RPS6KA2: variants seen among roughly 807,000 people sequenced by gnomAD.
The protein encoded by RPS6KA2 is ribosomal protein S6 kinase A2.
RPS6KA2 carries 42 observed loss-of-function variants against 91.8 expected under a neutral mutation model. The ratio of observed to expected loss-of-function variants is 0.46; its 90% confidence interval spans 0.36 to 0.59. The LOEUF is 0.59. RPS6KA2 is among the 20% of genes least tolerant of loss of function. RPS6KA2 has a pLI of 0.00. For missense variants in RPS6KA2, 798 were observed against 978.5 expected (o/e 0.82, Z 2.46); for synonymous variants, 414 against 393.6 (o/e 1.05, Z -0.61).
chr6:166,823,141 A>C (rs1445799897), intron 2 of RPS6KA2, among the ~76,000 whole-genome samples: 1 of 152,188 alleles, frequency 6.6e-6, no homozygotes, highest in Non-Finnish European at 1.5e-5. Context: ...GAGACAGGGG[A>C]CCATGTTCAA....
intron 2 of RPS6KA2, among the ~76,000 whole-genome samples, chr6:166,678,470 T>C (rs889900705): frequency 2.0e-5 from 3 of 152,218 alleles, no homozygotes. Context: ...GTATTTTACT[T>C]CCATGCAAAA....
At chr6:166,773,069 G>A (rs904845863) in intron 2 of RPS6KA2, among the ~76,000 whole-genome samples, 11 of 152,140 alleles carry the variant, frequency 7.2e-5, no homozygotes, top group Admixed American at 6.5e-5. Flanking sequence ...CGGGCTCCAC[G>A]TCTGGGTCAA....
At chr6:166,694,264 C>T (rs544060069) in intron 2 of RPS6KA2, among the ~76,000 whole-genome samples, 38 of 152,344 alleles carry the variant, frequency 2.5e-4, no homozygotes, top group African/African-American at 9.1e-4. Context: ...CCTGTTGAAG[C>T]ACTCACCTGG....
rs1453723621 is a variant in RPS6KA2 at position 166,433,053 on chromosome 6, G to A, written c.1333-563C>T. ...AGACATGAATTTTAAGGTGTTATAA[G>A]GTTGGGTGGAGACACGTGTAGGGAG... On this transcript the variant is annotated intron_variant, in intron 14 of 20. Coordinates refer to ENST00000265678, the MANE Select transcript of RPS6KA2 (RefSeq NM_021135.6). This position sits in a 1 kb window ranked among gnomAD's most constrained non-coding sequence, Gnocchi z 4.4. Among the ~76,000 whole-genome samples the A allele has an allele frequency of 1.3e-5, 2 of 151,086 alleles. No individual in the cohort carries two copies. The highest frequency in any genetic ancestry group is 2.9e-5 in the Non-Finnish European group (2 of 67,934).
rs966095165 is a variant in RPS6KA2 at position 166,737,117 on chromosome 6, C to T, written c.123+121083G>A. Among the ~76,000 whole-genome samples, 27 of 152,088 alleles carry T rather than the reference C, an allele frequency of 1.8e-4. No individual in the cohort carries two copies. Among genetic ancestry groups the T allele is most frequent in the African/African-American group, 5.3e-4 (22 of 41,470 alleles). On this transcript the variant is annotated intron_variant, in intron 2 of 21. Transcript: ENST00000503859. This position sits in a 1 kb window ranked among gnomAD's most constrained non-coding sequence, Gnocchi z 4.3. ...CACATTCTTTGTCAACTGTCACAAA[C>T]GAGGTCCTTGATTTTCAATTTCCTG...
chr6:166,770,857 T>C lies in RPS6KA2; in HGVS notation c.123+87343A>G. 1 of 1,593,998 alleles carries C rather than the reference T, an allele frequency of 6.3e-7. No homozygotes were observed. The highest frequency in any genetic ancestry group is 1.3e-5 in the African/African-American group (1 of 74,724). On this transcript the variant is annotated intron_variant, in intron 2 of 21. Coordinates refer to the RPS6KA2 transcript ENST00000503859. This position sits in a 1 kb window ranked among gnomAD's most constrained non-coding sequence, Gnocchi z 5.1. Reference sequence around the variant, plus strand: ...AAAAAAACAAACCCACAGGAACGCTTCTTACCTCTACGGATCCAGCTACCT... The same window carrying C: ...AAAAAAACAAACCCACAGGAACGCTCCTTACCTCTACGGATCCAGCTACCT...
chr6:166,829,625 T>A (rs1398919685), intron 2 of RPS6KA2, among the ~76,000 whole-genome samples: 25 of 147,876 alleles, frequency 1.7e-4, no homozygotes, highest in African/African-American at 5.8e-4. Context: ...AAAATTATTA[T>A]ATGGTCCATC....
At chr6:166,551,268 ATGAGATAAT>A (rs1458773953) in intron 1 of RPS6KA2, among the ~76,000 whole-genome samples, 3 of 152,212 alleles carry the variant, frequency 2.0e-5, no homozygotes, top group African/African-American at 7.2e-5. Flanking sequence ...CAATGCATAA[ATGAGATAAT>A]TGGGGCAATG....
In RPS6KA2 at chr6:166,478,242, G is replaced by A. The variant is rs73790235; in HGVS notation, c.908-8337C>T. On this transcript the variant is annotated intron_variant, in intron 10 of 20. Coordinates refer to ENST00000265678, the MANE Select transcript of RPS6KA2 (RefSeq NM_021135.6). ...GCACGTCCCTTGCACATATGCTCAC[G>A]TGCTTATGTTATAATAAGTGTCCAG... Among the ~76,000 whole-genome samples, 1,211 of 152,306 alleles carry A rather than the reference G, an allele frequency of 8.0e-3. 14 individuals carry two copies. The highest frequency in any genetic ancestry group is 0.026 in the African/African-American group (1,071 of 41,566).
chr6:166,738,712 C>T (rs1002829812), intron 2 of RPS6KA2, among the ~76,000 whole-genome samples: 3 of 152,252 alleles, frequency 2.0e-5, no homozygotes, highest in East Asian at 1.9e-4. Flanking sequence ...GATACCATGA[C>T]GTCTGCCAGG....
chr6:166,836,784 T>C (rs920589147), intron 2 of RPS6KA2, among the ~76,000 whole-genome samples: 7 of 152,216 alleles, frequency 4.6e-5, no homozygotes, highest in Non-Finnish European at 7.4e-5. Flanking sequence ...GAATTGTTAA[T>C]CAAATACTGG....
chr6:166,790,216 G>A (rs1252688322), intron 2 of RPS6KA2, among the ~76,000 whole-genome samples: 7 of 152,214 alleles, frequency 4.6e-5, no homozygotes, highest in African/African-American at 1.7e-4. Context: ...CGTGAAGAAT[G>A]CAGAAGCCTC....
intron 1 of RPS6KA2, among the ~76,000 whole-genome samples, chr6:166,579,268 A>G (rs1784934542): frequency 6.6e-6 from 1 of 152,172 alleles, no homozygotes; most frequent in South Asian, 2.1e-4. Flanking sequence ...GTTATTATAA[A>G]ATTTGAAGTT....
At position 166,840,962 on chromosome 6, in the gene RPS6KA2, T is replaced by TAAAGAAA. The variant is rs1780459192; in HGVS notation, c.123+17231_123+17237dup. Reference sequence around the variant, plus strand: ...TGGGCAACAAGAGCGAAACTTTGTCTAAAGAAAAAAAAAGAAAAAAGAAAA... The same window carrying TAAAGAAA: ...TGGGCAACAAGAGCGAAACTTTGTCTAAAGAAAAAAGAAAAAAAAAGAAAAAAGAAAA... On this transcript the variant is annotated intron_variant, in intron 2 of 21. Transcript: ENST00000503859. 4.7e-5 allele frequency among the ~76,000 whole-genome samples: 7 copies of TAAAGAAA among 149,340 alleles called. No individual in the cohort carries two copies. In the South Asian group the frequency reaches 1.5e-3, roughly 32 times the overall value.
intron 2 of RPS6KA2, among the ~76,000 whole-genome samples, chr6:166,685,421 C>T (rs1788983534): frequency 6.6e-6 from 1 of 152,218 alleles, no homozygotes; most frequent in Admixed American, 6.5e-5. Flanking sequence ...TTGGCCATTT[C>T]TATCACTGTC....
intron 3 of RPS6KA2, among the ~76,000 whole-genome samples, chr6:166,526,630 G>A (rs6923273): frequency 0.15 from 23,127 of 152,144 alleles, 1,915 homozygotes; most frequent in South Asian, 0.26. Flanking sequence ...GATTACAGGT[G>A]TGACTACCAC....
chr6:166,638,708 G>C (rs954162462), intron 2 of RPS6KA2, among the ~76,000 whole-genome samples: 1 of 152,146 alleles, frequency 6.6e-6, no homozygotes, highest in Admixed American at 6.5e-5. Flanking sequence ...GGTAGAGGAT[G>C]GGTCCCAGGG....
chr6:166,833,455 A>G (rs540641186), intron 2 of RPS6KA2, among the ~76,000 whole-genome samples: 49 of 152,246 alleles, frequency 3.2e-4, no homozygotes, highest in Admixed American at 1.8e-3. Context: ...GTAGAGATCA[A>G]TGAATTTTTA....
intron 1 of RPS6KA2, among the ~76,000 whole-genome samples, chr6:166,578,445 C>T (rs1228171974): frequency 6.6e-6 from 1 of 152,190 alleles, no homozygotes; most frequent in African/African-American, 2.4e-5. Context: ...TGACCAGGGG[C>T]AAGCACCTTA....
Sources: gnomAD v4.1 joint callset for allele counts (sites outside exome capture counted in the v4.1 genomes callset) on GRCh38, gnomAD v4.1.1 for gene constraint, Gnocchi (gnomAD v3.1) non-coding constraint, MANE v1.5 for transcripts, NCBI Gene and HGNC (gene_info 2026-07-23, HGNC 2026-07-21) for gene names.